Variants in NUP93 observed in about 807,000 individuals in gnomAD.
NUP93 encodes nucleoporin 93, also known as nuclear pore complex protein Nup93.
A neutral mutation model predicts 107.8 loss-of-function variants in NUP93; 55 were observed. That is an observed-to-expected ratio of 0.51 (90% CI 0.41 to 0.64). NUP93 has a LOEUF of 0.64. Ranked by LOEUF, NUP93 falls within the 30% of genes least tolerant of loss-of-function variation. NUP93 has a pLI of 0.00. For missense variants in NUP93, 937 were observed against 1,044.7 expected (o/e 0.90, Z 1.42); for synonymous variants, 390 against 397.5 (o/e 0.98, Z 0.22).
At chr16:56,796,651 A>G (rs1258207733) in intron 3 of NUP93, among the ~76,000 whole-genome samples, 2 of 152,262 alleles carry the variant, frequency 1.3e-5, no homozygotes, top group Non-Finnish European at 1.5e-5. Context: ...GCCAAATTCT[A>G]CTTTGTATTA....
intron 3 of NUP93, among the ~76,000 whole-genome samples, chr16:56,792,813 C>T (rs1475541614): frequency 6.6e-6 from 1 of 152,152 alleles, no homozygotes; most frequent in African/African-American, 2.4e-5. Context: ...TCCTGGGTTC[C>T]ATCCTTTTAG....
At chr16:56,760,904 C>T (rs1289974859) in intron 3 of NUP93, among the ~76,000 whole-genome samples, 1 of 151,754 alleles carries the variant, frequency 6.6e-6, no homozygotes, top group Non-Finnish European at 1.5e-5. Context: ...GCAGTGAGTC[C>T]CTCCTGTGTG....
At chr16:56,779,040 TCATAGAGGG>T (rs1350852036) in intron 3 of NUP93, among the ~76,000 whole-genome samples, 2 of 152,164 alleles carry the variant, frequency 1.3e-5, no homozygotes, top group African/African-American at 4.8e-5. Context: ...GGGAGTTTGC[TCATAGAGGG>T]AGTCATCACT....
intron 4 of NUP93, among the ~76,000 whole-genome samples, chr16:56,801,159 C>G (rs1473596965): frequency 1.3e-5 from 2 of 152,216 alleles, no homozygotes; most frequent in Admixed American, 1.3e-4. Flanking sequence ...CTTAGACTCT[C>G]ATTGCCCTCC....
intron 1 of NUP93, among the ~76,000 whole-genome samples, chr16:56,738,600 A>G (rs574616193): frequency 5.0e-4 from 76 of 152,238 alleles, no homozygotes; most frequent in African/African-American, 1.7e-3. Flanking sequence ...ACTTTCCAAC[A>G]ATTTTTTTTT....
At chr16:56,794,616 T>G (rs769868924) in intron 3 of NUP93, among the ~76,000 whole-genome samples, 2 of 151,420 alleles carry the variant, frequency 1.3e-5, no homozygotes, top group Non-Finnish European at 2.9e-5. Flanking sequence ...GAGAGAGATG[T>G]GAACATGGGT....
In NUP93 at chr16:56,838,293, T is replaced by G. The variant is rs1224354239; in HGVS notation, c.2018+567T>G. Among the ~76,000 whole-genome samples the G allele has an allele frequency of 3.9e-5, 6 of 152,146 alleles. No individual in the cohort carries two copies. In the East Asian group the frequency reaches 1.2e-3, roughly 29 times the overall value. On this transcript the variant is annotated intron_variant, in intron 18 of 21. Coordinates refer to ENST00000308159, the MANE Select transcript of NUP93 (RefSeq NM_014669.5). Reference sequence around the variant, plus strand: ...TTCCCGGGGTAACAAAAAAGAACATTCTTTGGTAAATGAGATATCTCCACC... The same window carrying G: ...TTCCCGGGGTAACAAAAAAGAACATGCTTTGGTAAATGAGATATCTCCACC...
intron 3 of NUP93, among the ~76,000 whole-genome samples, chr16:56,795,245 T>G (rs533101594): frequency 3.9e-5 from 6 of 152,286 alleles, no homozygotes; most frequent in Non-Finnish European, 2.9e-5. Context: ...GATAATAGTT[T>G]CATAGCTTTG....
chr16:56,791,125 A>G (rs1962753538), intron 3 of NUP93, among the ~76,000 whole-genome samples: 1 of 152,202 alleles, frequency 6.6e-6, no homozygotes, highest in Non-Finnish European at 1.5e-5. Context: ...CTTCTGGTAA[A>G]TGTTCAGCCT....
At chr16:56,814,758 G>A (rs1963386011) in intron 5 of NUP93, among the ~76,000 whole-genome samples, 2 of 152,150 alleles carry the variant, frequency 1.3e-5, no homozygotes, top group Non-Finnish European at 2.9e-5. Flanking sequence ...TCTTCTAAAA[G>A]AAGAAACCCT....
chr16:56,744,324 ATCTC>A (rs1961785966), intron 1 of NUP93, among the ~76,000 whole-genome samples: 1 of 152,114 alleles, frequency 6.6e-6, no homozygotes, highest in African/African-American at 2.4e-5. Flanking sequence ...TAGTGGTTTA[ATCTC>A]TCTATTTTGT....
At chr16:56,788,033 CT>C (rs1339222517) in intron 3 of NUP93, among the ~76,000 whole-genome samples, 1 of 152,224 alleles carries the variant, frequency 6.6e-6, no homozygotes, top group Non-Finnish European at 1.5e-5. Context: ...CAAATCCTCT[CT>C]TTTCTTGCGT....
intron 4 of NUP93, among the ~76,000 whole-genome samples, chr16:56,802,731 T>G (rs1174018749): frequency 2.0e-5 from 3 of 152,218 alleles, no homozygotes; most frequent in African/African-American, 7.2e-5. Flanking sequence ...ATTATCAGTA[T>G]AAATTATCTG....
chr16:56,808,489 T>TGTAACTATAAAATATATAGTTAC lies in NUP93; in HGVS notation c.489+2866_489+2867insAAATATATAGTTACGTAACTATA, dbSNP rs1567398750. Among the ~76,000 whole-genome samples, 19 of 114,814 alleles carry TGTAACTATAAAATATATAGTTAC rather than the reference T, an allele frequency of 1.7e-4. 3 individuals carry two copies. Among genetic ancestry groups the TGTAACTATAAAATATATAGTTAC allele is most frequent in the East Asian group, 7.5e-4 (3 of 4,002 alleles). The allele number at this position is 114,814 out of a possible 152,430, so 75.3% of individuals were successfully genotyped here. A position where few individuals can be genotyped will look rare whatever the true frequency, so the allele number is the denominator to read the frequency against. On this transcript the variant is annotated intron_variant, in intron 5 of 21. Transcript: ENST00000308159. ...TATGTAACTATAAAATATATAGTTA[T>TGTAACTATAAAATATATAGTTAC]GTAACTATATAAATATATAGTTATG...
chr16:56,750,425 TTAAGATTTTAGATTG>T (rs1961897757), intron 2 of NUP93, among the ~76,000 whole-genome samples: 1 of 152,222 alleles, frequency 6.6e-6, no homozygotes, highest in South Asian at 2.1e-4. Flanking sequence ...AATTCTGTCT[TTAAGATTTTAGATTG>T]TAAGATTTAA....
chr16:56,836,417 T>C (rs1963912088), intron 16 of NUP93, among the ~76,000 whole-genome samples, 184 bp from the exon 17 acceptor site: 1 of 152,256 alleles, frequency 6.6e-6, no homozygotes, highest in South Asian at 2.1e-4. Flanking sequence ...GTCTCTTTTA[T>C]AGTTTTAATA....
chr16:56,841,701 G>A lies in NUP93; in HGVS notation c.2221-4G>A, dbSNP rs769706232. On this transcript the variant is annotated splice_polypyrimidine_tract_variant and splice_region_variant and intron_variant, in intron 20 of 21. Transcript: ENST00000308159. Reference sequence around the variant, plus strand: ...TTCTTTACTCTGTTTTTCTCTCTATGTAGATCAGGCACAACCTCTCAGAAG... The same window carrying A: ...TTCTTTACTCTGTTTTTCTCTCTATATAGATCAGGCACAACCTCTCAGAAG... 6.2e-7 allele frequency: 1 copy of A among 1,613,810 alleles called. No homozygotes were observed. Among genetic ancestry groups the A allele is most frequent in the African/African-American group, 1.3e-5 (1 of 75,012 alleles).
At chr16:56,772,599 T>C (rs1173057811) in intron 3 of NUP93, among the ~76,000 whole-genome samples, 2 of 152,246 alleles carry the variant, frequency 1.3e-5, no homozygotes, top group Non-Finnish European at 2.9e-5. Context: ...TGTGGAAGCC[T>C]AGCCTTGCTG....
chr16:56,783,593 C>G (rs1368798215), intron 3 of NUP93: 1 of 985,266 alleles, frequency 1.0e-6, no homozygotes, highest in African/African-American at 1.7e-5. Flanking sequence ...AAATTATTTC[C>G]CTTTGTCTGA....
Sources: gnomAD v4.1 joint callset for allele counts (sites outside exome capture counted in the v4.1 genomes callset) on GRCh38, gnomAD v4.1.1 for gene constraint, MANE v1.5 for transcripts, NCBI Gene and HGNC (gene_info 2026-07-23, HGNC 2026-07-21) for gene names.